MAP4K5: variants seen among roughly 807,000 people sequenced by gnomAD.
MAP4K5 encodes the protein mitogen-activated protein kinase kinase kinase kinase 5, also known as MAPK/ERK kinase kinase kinase 5.
A neutral mutation model predicts 135.6 loss-of-function variants in MAP4K5; 82 were observed. The observed-to-expected ratio is 0.60, with a 90% confidence interval of 0.51 to 0.73. The LOEUF (loss-of-function observed/expected upper bound fraction) is 0.73. Among genes scored for constraint, MAP4K5 ranks in the 30% least tolerant of loss-of-function variants. The pLI is 0.00. For synonymous variants in MAP4K5, 347 were observed against 335.0 expected, an observed-to-expected ratio of 1.04 and a Z score of -0.39; for missense variants, 907 against 1,010.9, an observed-to-expected ratio of 0.90 and a Z score of 1.39.
At chr14:50,532,743 C>T (rs966135584), upstream of MAP4K5, 1 of 152,774 alleles carries the variant, frequency 6.5e-6, no homozygotes, top group Non-Finnish European at 1.5e-5. Flanking sequence ...CCGACCGCGC[C>T]ACCGCGCCCC....
intron 2 of MAP4K5, among the ~76,000 whole-genome samples, chr14:50,517,317 A>G (rs1344476758): frequency 6.6e-6 from 1 of 151,628 alleles, no homozygotes; most frequent in Non-Finnish European, 1.5e-5. Flanking sequence ...ACGCCCAGCT[A>G]ATTTTTGTAT....
chr14:50,498,085 C>T (rs2037631820), intron 3 of MAP4K5, among the ~76,000 whole-genome samples: 1 of 152,186 alleles, frequency 6.6e-6, no homozygotes, highest in Admixed American at 6.5e-5. Context: ...CCACCAATAG[C>T]TACAGACTTG....
intron 5 of MAP4K5, among the ~76,000 whole-genome samples, chr14:50,484,680 A>C (rs2037325265): frequency 6.6e-6 from 1 of 152,206 alleles, no homozygotes; most frequent in African/African-American, 2.4e-5. Context: ...TCCATATTAC[A>C]GGTTGAAGAG....
At chr14:50,461,416 A>G (rs1334551873) in intron 13 of MAP4K5, among the ~76,000 whole-genome samples, 4 of 152,170 alleles carry the variant, frequency 2.6e-5, no homozygotes, top group Non-Finnish European at 5.9e-5. Flanking sequence ...TAAAAGGGAA[A>G]TAAAATAAAT....
chr14:50,520,015 G>A (rs1354529923), intron 2 of MAP4K5, among the ~76,000 whole-genome samples: 9 of 152,096 alleles, frequency 5.9e-5, no homozygotes, highest in Admixed American at 5.9e-4. Context: ...GGTCAAGAAG[G>A]CACGGGGCAC....
chr14:50,528,859 T>C (rs1480759785), intron 2 of MAP4K5, among the ~76,000 whole-genome samples: 2 of 152,090 alleles, frequency 1.3e-5, no homozygotes, highest in Non-Finnish European at 2.9e-5. Context: ...AGAAACACAG[T>C]GATAAATAGC....
intron 13 of MAP4K5, among the ~76,000 whole-genome samples, chr14:50,460,782 C>T (rs902918700): frequency 1.5e-4 from 23 of 152,168 alleles, no homozygotes; most frequent in African/African-American, 5.5e-4. Flanking sequence ...TAAATACATA[C>T]ATAGATATGA....
intron 1 of MAP4K5, among the ~76,000 whole-genome samples, chr14:50,558,511 T>C (rs961932183): frequency 6.6e-6 from 1 of 152,250 alleles, no homozygotes; most frequent in African/African-American, 2.4e-5. Flanking sequence ...GAGAGCTATT[T>C]ATTTAAGCAT....
At chr14:50,554,831 T>C (rs2038745796) in intron 1 of MAP4K5, among the ~76,000 whole-genome samples, 1 of 152,172 alleles carries the variant, frequency 6.6e-6, no homozygotes, top group Non-Finnish European at 1.5e-5. Flanking sequence ...GTCTGAGTCA[T>C]TCTTCAGTCT....
intron 2 of MAP4K5, among the ~76,000 whole-genome samples, chr14:50,509,448 A>G (rs2037884112): frequency 6.6e-6 from 1 of 152,204 alleles, no homozygotes; most frequent in Non-Finnish European, 1.5e-5. Flanking sequence ...TACTGAAAAC[A>G]GCTAACAAAG....
chr14:50,507,733 AC>A (rs1402971579), intron 2 of MAP4K5, among the ~76,000 whole-genome samples: 12 of 152,100 alleles, frequency 7.9e-5, no homozygotes, highest in Non-Finnish European at 1.5e-4. Flanking sequence ...TAATTTCTGT[AC>A]TTTTGCATTT....
At chr14:50,480,320 G>A (rs992669342) in intron 6 of MAP4K5, among the ~76,000 whole-genome samples, 1 of 150,990 alleles carries the variant, frequency 6.6e-6, no homozygotes, top group Non-Finnish European at 1.5e-5. Context: ...ATGACACTCT[G>A]TTATATTAAA....
chr14:50,448,479 A>T (rs2036408520), intron 15 of MAP4K5, among the ~76,000 whole-genome samples: 1 of 152,070 alleles, frequency 6.6e-6, no homozygotes, highest in Non-Finnish European at 1.5e-5. Flanking sequence ...AGTTAAAAAA[A>T]AAAAGGTCCT....
At chr14:50,545,319 C>T (rs531709483) in intron 1 of MAP4K5, among the ~76,000 whole-genome samples, 2 of 152,282 alleles carry the variant, frequency 1.3e-5, no homozygotes, top group Middle Eastern at 6.8e-3. Context: ...TCAGCTCCCT[C>T]CCAGTTTGGG....
Position 50,423,120 on chromosome 14 carries a change from C to G in MAP4K5, c.2453+1G>C. On this transcript the variant is annotated splice_donor_variant, in intron 32 of 32. Transcript: ENST00000682126. LOFTEE classifies it high-confidence loss of function. Reference sequence around the variant, plus strand: ...TTAAATTAATACAACCAAACTATTACCTGTCTGATCCTAATAAGCGGAAAA... The same window carrying G: ...TTAAATTAATACAACCAAACTATTAGCTGTCTGATCCTAATAAGCGGAAAA... The G allele has an allele frequency of 6.6e-7, 1 of 1,525,102 alleles. No homozygotes were observed. The highest frequency in any genetic ancestry group is 1.2e-5 in the South Asian group (1 of 85,424). The allele number at this position is 1,525,102 out of a possible 1,614,324, so 94.5% of individuals were successfully genotyped here. A position where few individuals can be genotyped will look rare whatever the true frequency, so the allele number is the denominator to read the frequency against.
At chr14:50,538,031 G>A (rs1034288642) in intron 2 of MAP4K5, among the ~76,000 whole-genome samples, 3 of 152,188 alleles carry the variant, frequency 2.0e-5, no homozygotes, top group African/African-American at 7.2e-5. Flanking sequence ...GCCGGGGGCA[G>A]AATGGTATGG....
chr14:50,456,194 A>G (rs1269150954), intron 14 of MAP4K5: 1 of 309,580 alleles, frequency 3.2e-6, no homozygotes, highest in Non-Finnish European at 6.0e-6. Context: ...ACACATGGAA[A>G]ATGAAAGAAA....
intron 8 of MAP4K5, among the ~76,000 whole-genome samples, chr14:50,475,686 GACA>G (rs1472286932): frequency 2.4e-4 from 36 of 152,266 alleles, no homozygotes; most frequent in African/African-American, 8.7e-4. Context: ...CAGCCTGAAT[GACA>G]GAGTGAGACC....
At chr14:50,451,257 AG>A (rs1309057701) in intron 14 of MAP4K5, among the ~76,000 whole-genome samples, 1 of 151,646 alleles carries the variant, frequency 6.6e-6, no homozygotes, top group African/African-American at 2.4e-5. Flanking sequence ...AGTACAGTGA[AG>A]AAAAAAAAAA....
Sources: gnomAD v4.1 joint callset for allele counts (sites outside exome capture counted in the v4.1 genomes callset) on GRCh38, gnomAD v4.1.1 for gene constraint, MANE v1.5 for transcripts, NCBI Gene and HGNC (gene_info 2026-07-23, HGNC 2026-07-21) for gene names.